The following TANC2 variants were observed in gnomAD, a reference collection of about 807,000 sequenced individuals.
TANC2 encodes the protein protein TANC2.
A neutral mutation model predicts 210.5 loss-of-function variants in TANC2; 26 were observed. The ratio of observed to expected loss-of-function variants is 0.12; its 90% confidence interval spans 0.09 to 0.17. The LOEUF is 0.17. Ranked by LOEUF, TANC2 falls within the 10% of genes least tolerant of loss-of-function variation. The pLI, the probability that TANC2 is intolerant of heterozygous loss-of-function variation, is 1.00. For missense variants in TANC2, 2,129 were observed against 2,608.9 expected, an observed-to-expected ratio of 0.82 and a Z score of 4.01; for synonymous variants, 931 against 967.1, an observed-to-expected ratio of 0.96 and a Z score of 0.69.
intron 1 of TANC2, among the ~76,000 whole-genome samples, chr17:62,991,035 T>C (rs1045940480): frequency 2.0e-5 from 3 of 152,170 alleles, no homozygotes; most frequent in African/African-American, 4.8e-5. Flanking sequence ...CACTAACTAA[T>C]ATGACTTTTT....
chr17:63,194,057 G>A (rs1017318392), exon 6 of TANC2: 17 of 1,613,170 alleles, frequency 1.1e-5, no homozygotes, highest in Admixed American at 5.0e-5. Context: ...CTCATGACTC[G>A]TCTGGGTTTC....
chr17:63,059,912 A>C (rs1211042491), intron 2 of TANC2, among the ~76,000 whole-genome samples: 1 of 152,190 alleles, frequency 6.6e-6, no homozygotes, highest in Non-Finnish European at 1.5e-5. Context: ...TCAAGATCAC[A>C]ACCTGGGCAC....
At position 63,060,295 on chromosome 17, in the gene TANC2, A is replaced by G. The variant is rs964461003; in HGVS notation, c.68-13648A>G. On this transcript the variant is annotated intron_variant, in intron 2 of 27. Coordinates refer to ENST00000689528, the Ensembl canonical transcript of TANC2. ...CTGTACATGTATTGTCAGATCATGT[A>G]GTGATTACATACTACAATCTCTCTC... Among the ~76,000 whole-genome samples the G allele has an allele frequency of 2.0e-5, 3 of 152,238 alleles. No homozygotes were observed. In the East Asian group the frequency reaches 5.8e-4, roughly 29 times the overall value.
At chr17:63,068,277 G>A (rs987543334) in intron 2 of TANC2, among the ~76,000 whole-genome samples, 3 of 152,108 alleles carry the variant, frequency 2.0e-5, no homozygotes, top group Non-Finnish European at 4.4e-5. Flanking sequence ...ACCAATTCGC[G>A]TTGTTTAGCA....
At chr17:63,059,862 C>A (rs1432257098) in intron 2 of TANC2, among the ~76,000 whole-genome samples, 1 of 152,122 alleles carries the variant, frequency 6.6e-6, no homozygotes, top group Non-Finnish European at 1.5e-5. Context: ...CCAGCTAGTT[C>A]TTTAAGAAGT....
At chr17:63,314,075 G>A (rs2045225903) in intron 9 of TANC2, among the ~76,000 whole-genome samples, 1 of 152,216 alleles carries the variant, frequency 6.6e-6, no homozygotes, top group East Asian at 1.9e-4. Flanking sequence ...TGCATCCGTA[G>A]TGATTGCTGG....
chr17:63,286,916 G>A (rs551272296), intron 9 of TANC2, among the ~76,000 whole-genome samples: 4 of 151,980 alleles, frequency 2.6e-5, no homozygotes, highest in African/African-American at 9.7e-5. Context: ...GGGTGTGTGT[G>A]TGTTTGTTTG....
At chr17:63,196,374 A>G (rs1400417679) in intron 6 of TANC2, among the ~76,000 whole-genome samples, 1 of 152,200 alleles carries the variant, frequency 6.6e-6, no homozygotes, top group Non-Finnish European at 1.5e-5. Context: ...TTAAAATGTG[A>G]CTGTTATAGT....
At chr17:63,283,011 C>CGTGTTTA (rs1272478941) in intron 9 of TANC2, among the ~76,000 whole-genome samples, 1 of 151,872 alleles carries the variant, frequency 6.6e-6, no homozygotes, top group Non-Finnish European at 1.5e-5. Context: ...CTTTTAGTGT[C>CGTGTTTA]GTGTTTAAGA....
intron 2 of TANC2, among the ~76,000 whole-genome samples, chr17:63,034,849 G>T (rs1283024360): frequency 6.6e-6 from 1 of 152,170 alleles, no homozygotes; most frequent in Non-Finnish European, 1.5e-5. Context: ...TTACAGATGT[G>T]CAGAGAAAGT....
At chr17:62,971,599 G>C (rs1234515272) in intron 1 of TANC2, among the ~76,000 whole-genome samples, 1 of 152,164 alleles carries the variant, frequency 6.6e-6, no homozygotes, top group African/African-American at 2.4e-5. Flanking sequence ...CAAAGTGCTG[G>C]GATTACAGGT....
chr17:63,010,666 C>T (rs908309543), intron 2 of TANC2, among the ~76,000 whole-genome samples: 7 of 152,108 alleles, frequency 4.6e-5, no homozygotes, highest in East Asian at 1.9e-4. Context: ...AACCTCTGTC[C>T]GACTTGGCTA....
At chr17:63,204,515 A>G (rs898210938) in intron 7 of TANC2, among the ~76,000 whole-genome samples, 1 of 152,184 alleles carries the variant, frequency 6.6e-6, no homozygotes, top group Middle Eastern at 3.4e-3. Flanking sequence ...TTGTAGTCCC[A>G]GCTCCTTGGG....
At chr17:63,302,239 A>G (rs1435007708) in intron 9 of TANC2, among the ~76,000 whole-genome samples, 3 of 152,230 alleles carry the variant, frequency 2.0e-5, no homozygotes, top group Non-Finnish European at 4.4e-5. Flanking sequence ...GGCACTGAGA[A>G]GAATGTCTAT....
At chr17:63,359,638 G>A (rs368507404) in intron 14 of TANC2, among the ~76,000 whole-genome samples, 3 of 152,116 alleles carry the variant, frequency 2.0e-5, no homozygotes, top group East Asian at 1.9e-4. Flanking sequence ...ATAAGCCACC[G>A]TGCCCAGCCT....
At chr17:63,084,630 G>A (rs1008932934) in intron 3 of TANC2, among the ~76,000 whole-genome samples, 2 of 151,878 alleles carry the variant, frequency 1.3e-5, no homozygotes, top group East Asian at 3.9e-4. Flanking sequence ...TATATATTAA[G>A]CACTATAAAT....
chr17:63,311,744 A>C (rs1299807419), intron 9 of TANC2, among the ~76,000 whole-genome samples: 1 of 152,246 alleles, frequency 6.6e-6, no homozygotes, highest in South Asian at 2.1e-4. Flanking sequence ...ATGTTTATTA[A>C]CTGATAAACA....
chr17:63,415,506 C>T (rs555135868), intron 25 of TANC2, 22 bp from the exon 26 acceptor site: 31 of 1,611,232 alleles, frequency 1.9e-5, no homozygotes, highest in Admixed American at 1.0e-4. Context: ...CTGTGTGTTT[C>T]GCCATCTTGT....
intron 7 of TANC2, among the ~76,000 whole-genome samples, chr17:63,209,418 TTTTGTTTG>T (rs574202828): frequency 6.6e-6 from 1 of 151,970 alleles, no homozygotes; most frequent in Non-Finnish European, 1.5e-5. Context: ...AAGGAATCCT[TTTTGTTTG>T]TTTGTTTGTT....
Sources: allele counts gnomAD v4.1 joint callset (sites outside exome capture counted in the v4.1 genomes callset), GRCh38; gene constraint gnomAD v4.1.1; transcripts MANE v1.5; gene names NCBI Gene and HGNC (gene_info 2026-07-23, HGNC 2026-07-21).